Variants in YWHAG observed in about 807,000 individuals in gnomAD.
YWHAG encodes the protein 14-3-3 protein gamma.
In YWHAG, 1 loss-of-function variant was observed where a neutral mutation model predicts 23.3. The observed-to-expected ratio is 0.04, with a 90% CI of 0.02 to 0.20. The LOEUF (loss-of-function observed/expected upper bound fraction) is 0.20. YWHAG is among the 10% of genes least tolerant of loss of function. The pLI is 1.00. For missense variants in YWHAG, 151 were observed against 338.6 expected (o/e 0.45, Z 4.35); for synonymous variants, 160 against 144.0 (o/e 1.11, Z -0.80).
chr7:76,335,100 C>T (rs928931868), intron 1 of YWHAG, among the ~76,000 whole-genome samples: 7 of 152,140 alleles, frequency 4.6e-5, no homozygotes, highest in African/African-American at 1.7e-4. Context: ...ACTCTGTCAC[C>T]AGGCTGGAGT....
At chr7:76,343,183 G>A (rs1402574490) in intron 1 of YWHAG, among the ~76,000 whole-genome samples, 3 of 150,422 alleles carry the variant, frequency 2.0e-5, no homozygotes, top group Non-Finnish European at 4.4e-5. Flanking sequence ...TGTAAACTAT[G>A]GTGTACTGCA....
chr7:76,335,987 C>G (rs1425644160), intron 1 of YWHAG, among the ~76,000 whole-genome samples: 1 of 152,132 alleles, frequency 6.6e-6, no homozygotes, highest in South Asian at 2.1e-4. Flanking sequence ...ATGAATGCAA[C>G]TTTGCATTTT....
At chr7:76,331,496 C>A (rs955511563) in intron 1 of YWHAG, among the ~76,000 whole-genome samples, 2 of 152,062 alleles carry the variant, frequency 1.3e-5, no homozygotes, top group Non-Finnish European at 2.9e-5. Context: ...GCTTTGAATG[C>A]AGCCCAACAC....
intron 1 of YWHAG, among the ~76,000 whole-genome samples, chr7:76,332,948 C>T: frequency 6.6e-6 from 1 of 152,230 alleles, no homozygotes; most frequent in Non-Finnish European, 1.5e-5. Context: ...AAGTGATCCA[C>T]CCGCCTCAGT....
chr7:76,343,308 C>T (rs1487059924), intron 1 of YWHAG, among the ~76,000 whole-genome samples: 1 of 150,434 alleles, frequency 6.6e-6, no homozygotes, highest in Non-Finnish European at 1.5e-5. Flanking sequence ...TCATCTGCTC[C>T]GAATGCACAT....
chr7:76,334,395 G>T (rs1034478332), intron 1 of YWHAG, among the ~76,000 whole-genome samples: 2 of 152,158 alleles, frequency 1.3e-5, no homozygotes, highest in Admixed American at 1.3e-4. Context: ...TTTGGGAAGG[G>T]AGGTAACATT....
At chr7:76,355,589 A>G (rs559467262) in intron 1 of YWHAG, among the ~76,000 whole-genome samples, 1 of 152,248 alleles carries the variant, frequency 6.6e-6, no homozygotes, top group South Asian at 2.1e-4. Context: ...CAGAGGTACC[A>G]TTACTCCATT....
At chr7:76,338,817 G>GT (rs1158935154) in intron 1 of YWHAG, among the ~76,000 whole-genome samples, 1 of 152,186 alleles carries the variant, frequency 6.6e-6, no homozygotes, top group Admixed American at 6.5e-5. Flanking sequence ...GACGGTGTGG[G>GT]TAACAGGCAC....
chr7:76,337,285 T>G (rs1803630211), intron 1 of YWHAG, among the ~76,000 whole-genome samples: 1 of 152,162 alleles, frequency 6.6e-6, no homozygotes, highest in East Asian at 1.9e-4. Context: ...GTACAAACGA[T>G]CTGGTTTATA....
At chr7:76,350,221 GC>G in intron 1 of YWHAG, among the ~76,000 whole-genome samples, 1 of 152,298 alleles carries the variant, frequency 6.6e-6, no homozygotes, top group South Asian at 2.1e-4. Flanking sequence ...AAATAAGCTG[GC>G]ATCGAGCCTA....
chr7:76,348,566 A>C (rs1803821913), intron 1 of YWHAG, among the ~76,000 whole-genome samples: 2 of 151,386 alleles, frequency 1.3e-5, no homozygotes, highest in South Asian at 2.1e-4. Flanking sequence ...ACCACGCCCG[A>C]CTAATTTTTT....
chr7:76,329,148 G>A lies in YWHAG; in HGVS notation c.*429C>T. On this transcript the variant is annotated 3_prime_UTR_variant, in exon 2 of 2. Coordinates refer to ENST00000307630, the MANE Select transcript of YWHAG (RefSeq NM_012479.4). The surrounding 1 kb of genome is among the most constrained non-coding windows in gnomAD (Gnocchi z 6.1). Reference sequence around the variant, plus strand: ...GGCTACACCCTGGAAAACATGCAGAGCCGAGACAGATGAGATAGAAAGTAC... The same window carrying A: ...GGCTACACCCTGGAAAACATGCAGAACCGAGACAGATGAGATAGAAAGTAC... The A allele has an allele frequency of 5.7e-6, 1 of 176,472 alleles. No homozygotes were observed. The highest frequency in any genetic ancestry group is 1.2e-5 in the Non-Finnish European group (1 of 82,826). The allele number at this position is 176,472 out of a possible 1,614,324, so 10.9% of individuals were successfully genotyped here.
At chr7:76,358,239 G>T (rs531224757) in intron 1 of YWHAG, among the ~76,000 whole-genome samples, 1 of 152,360 alleles carries the variant, frequency 6.6e-6, no homozygotes, top group Non-Finnish European at 1.5e-5. Context: ...AAGATTCTGG[G>T]GGGGCTGGGG....
chr7:76,336,421 T>G (rs1216870869), intron 1 of YWHAG, among the ~76,000 whole-genome samples: 1 of 150,576 alleles, frequency 6.6e-6, no homozygotes, highest in Non-Finnish European at 1.5e-5. Context: ...AATTTTACTG[T>G]GAATCCAAAA....
intron 1 of YWHAG, among the ~76,000 whole-genome samples, chr7:76,333,458 T>C (rs763447252): frequency 3.2e-4 from 48 of 152,224 alleles, no homozygotes; most frequent in Non-Finnish European, 4.6e-4. Context: ...CTTTTAAGAA[T>C]ACCCTGAATA....
rs1803472852 is a variant in YWHAG at position 76,327,829 on chromosome 7, A to G, written c.*1748T>C. 1.3e-5 allele frequency: 2 copies of G among 152,050 alleles called. No individual in the cohort carries two copies. Among genetic ancestry groups the G allele is most frequent in the African/African-American group, 4.8e-5 (2 of 41,392 alleles). 9.4% of individuals were successfully genotyped at this position (152,050 alleles called of 1,614,324 possible). ...AGCGTGAGGAGGGGGCCTCCTAAGG[A>G]AAGTCATGCTGGGTAAACTGTGCGA... On this transcript the variant is annotated 3_prime_UTR_variant, in exon 2 of 2. Coordinates refer to ENST00000307630, the MANE Select transcript of YWHAG (RefSeq NM_012479.4).
At chr7:76,355,040 A>G (rs1393750815) in intron 1 of YWHAG, among the ~76,000 whole-genome samples, 1 of 152,184 alleles carries the variant, frequency 6.6e-6, no homozygotes. Context: ...CATTATCGAC[A>G]CATTCCTGAA....
intron 1 of YWHAG, among the ~76,000 whole-genome samples, chr7:76,332,308 G>T (rs1013331999): frequency 2.0e-5 from 3 of 152,134 alleles, no homozygotes; most frequent in Non-Finnish European, 4.4e-5. Context: ...CTGCACTGAC[G>T]ATCTGTCATC....
At chr7:76,334,397 G>C (rs1306208551) in intron 1 of YWHAG, among the ~76,000 whole-genome samples, 1 of 152,092 alleles carries the variant, frequency 6.6e-6, no homozygotes, top group African/African-American at 2.4e-5. Context: ...TGGGAAGGGA[G>C]GTAACATTTT....
Sources: gnomAD v4.1 joint callset for allele counts (sites outside exome capture counted in the v4.1 genomes callset) on GRCh38, gnomAD v4.1.1 for gene constraint, Gnocchi (gnomAD v3.1) non-coding constraint, MANE v1.5 for transcripts, NCBI Gene and HGNC (gene_info 2026-07-23, HGNC 2026-07-21) for gene names.